The following SPAG16 variants were observed in gnomAD, a reference collection of about 807,000 sequenced individuals.
SPAG16 encodes the protein sperm associated antigen 16, also known as sperm-associated antigen 16 protein.
A neutral mutation model predicts 80.4 loss-of-function variants in SPAG16; 86 were observed. The ratio of observed to expected loss-of-function variants is 1.07; its 90% CI spans 0.90 to 1.28. The LOEUF is 1.28. Ranked by LOEUF, SPAG16 falls within the 50% of genes most tolerant of loss-of-function variation. SPAG16 has a pLI of 0.00. For synonymous variants in SPAG16, 294 were observed against 265.9 expected (o/e 1.11, Z -1.03); for missense variants, 870 against 765.3 (o/e 1.14, Z -1.61).
At chr2:214,000,900 C>G (rs1051913560) in intron 12 of SPAG16, among the ~76,000 whole-genome samples, 4 of 152,116 alleles carry the variant, frequency 2.6e-5, no homozygotes, top group Admixed American at 2.6e-4. Context: ...TTCAGCCAGG[C>G]TTTTTCTCCT....
intron 15 of SPAG16, among the ~76,000 whole-genome samples, chr2:214,268,630 A>T (rs1691765303): frequency 6.6e-6 from 1 of 151,972 alleles, no homozygotes; most frequent in South Asian, 2.1e-4. Flanking sequence ...AAGAACCAAC[A>T]TGACTGAAAA....
chr2:213,636,503 A>G (rs1403418372), intron 10 of SPAG16, among the ~76,000 whole-genome samples: 1 of 152,076 alleles, frequency 6.6e-6, no homozygotes, highest in Non-Finnish European at 1.5e-5. Flanking sequence ...TGATGTTGGT[A>G]TTTTGATGGG....
At chr2:213,712,048 A>G (rs1398590097) in intron 10 of SPAG16, among the ~76,000 whole-genome samples, 2 of 152,132 alleles carry the variant, frequency 1.3e-5, no homozygotes, top group African/African-American at 4.8e-5. Context: ...TCAGGAGGGC[A>G]CATTTATTTA....
chr2:213,311,698 A>G (rs1413067188), intron 4 of SPAG16, among the ~76,000 whole-genome samples: 2 of 151,634 alleles, frequency 1.3e-5, no homozygotes, highest in African/African-American at 4.8e-5. Flanking sequence ...ATTACATTGT[A>G]TTGAATACCT....
At chr2:213,471,617 A>C (rs2073083764) in intron 9 of SPAG16, among the ~76,000 whole-genome samples, 1 of 152,150 alleles carries the variant, frequency 6.6e-6, no homozygotes. Flanking sequence ...TCTGATCAGC[A>C]TCCCTATCTG....
At chr2:213,576,255 G>A (rs561478433) in intron 10 of SPAG16, among the ~76,000 whole-genome samples, 4 of 152,170 alleles carry the variant, frequency 2.6e-5, no homozygotes, top group South Asian at 4.1e-4. Flanking sequence ...TTATTTCTGG[G>A]TTCTCTATTC....
At chr2:213,616,041 C>T (rs2061584890) in intron 10 of SPAG16, among the ~76,000 whole-genome samples, 1 of 152,002 alleles carries the variant, frequency 6.6e-6, no homozygotes, top group Admixed American at 6.6e-5. Flanking sequence ...CACATGTATC[C>T]CAGAACTTAA....
In SPAG16 at chr2:213,624,804, T is replaced by C. The variant is rs113846152; in HGVS notation, c.1070+134714T>C. ...AGGCCTTTGTCTCAGGTTTTTGTTT[T>C]TTTTGAGATGGAGTCTTGATCTGTT... is the stretch of plus-strand genomic sequence containing the variant. On this transcript the variant is annotated intron_variant, in intron 10 of 15. Coordinates refer to ENST00000331683, the MANE Select transcript of SPAG16 (RefSeq NM_024532.5). 5.9e-3 allele frequency among the ~76,000 whole-genome samples: 891 copies of C among 152,306 alleles called. 4 individuals carry two copies. The highest frequency in any genetic ancestry group is 0.01 in the Non-Finnish European group (689 of 68,022).
At chr2:213,980,142 G>C (rs2045622189) in intron 12 of SPAG16, among the ~76,000 whole-genome samples, 1 of 150,342 alleles carries the variant, frequency 6.7e-6, no homozygotes, top group African/African-American at 2.4e-5. Flanking sequence ...ACGAGGTCAA[G>C]AGATTGAGTC....
At chr2:213,323,739 C>A (rs567500957) in intron 5 of SPAG16, among the ~76,000 whole-genome samples, 1 of 152,198 alleles carries the variant, frequency 6.6e-6, no homozygotes, top group South Asian at 2.1e-4. Context: ...TGTTCATTGA[C>A]AGATGAATGG....
chr2:214,352,097 A>T (rs749346808), intron 15 of SPAG16, among the ~76,000 whole-genome samples: 1 of 152,152 alleles, frequency 6.6e-6, no homozygotes, highest in Non-Finnish European at 1.5e-5. Flanking sequence ...CTGTGTTCTA[A>T]GGTTCCTATT....
At chr2:213,513,953 A>G (rs1459498897) in intron 10 of SPAG16, among the ~76,000 whole-genome samples, 2 of 152,258 alleles carry the variant, frequency 1.3e-5, no homozygotes, top group East Asian at 3.9e-4. Flanking sequence ...TTGGTCAGAA[A>G]GTATGGAGGA....
chr2:213,377,082 A>C (rs1283299062), intron 9 of SPAG16, among the ~76,000 whole-genome samples: 1 of 152,204 alleles, frequency 6.6e-6, no homozygotes, highest in Non-Finnish European at 1.5e-5. Flanking sequence ...ATCTAAGTTC[A>C]TACATCTGAA....
intron 9 of SPAG16, among the ~76,000 whole-genome samples, chr2:213,425,065 T>A (rs1277612484): frequency 2.0e-5 from 3 of 152,186 alleles, no homozygotes; most frequent in Non-Finnish European, 2.9e-5. Context: ...GGCTCATGCC[T>A]GTAATCCCAG....
chr2:213,833,486 T>TG (rs1553640506), intron 10 of SPAG16, among the ~76,000 whole-genome samples: 1 of 3,610 alleles, frequency 2.8e-4, no homozygotes, highest in East Asian at 9.1e-3. Context: ...AATATATATA[T>TG]TATATATAAT....
At chr2:213,531,393 T>A (rs1384555525) in intron 10 of SPAG16, among the ~76,000 whole-genome samples, 1 of 151,714 alleles carries the variant, frequency 6.6e-6, no homozygotes, top group African/African-American at 2.4e-5. Flanking sequence ...TGTGTGTGTG[T>A]GTGTTTATGA....
chr2:213,864,147 A>G (rs899010834), intron 11 of SPAG16, among the ~76,000 whole-genome samples: 3 of 152,170 alleles, frequency 2.0e-5, no homozygotes, highest in African/African-American at 7.2e-5. Flanking sequence ...GAAAGAGTTT[A>G]TATCTCAGAC....
At chr2:213,720,445 G>A (rs546949701) in intron 10 of SPAG16, among the ~76,000 whole-genome samples, 18 of 146,462 alleles carry the variant, frequency 1.2e-4, no homozygotes, top group African/African-American at 4.5e-4. Context: ...GCCTAACATG[G>A]TGAAACCCCA....
intron 8 of SPAG16, among the ~76,000 whole-genome samples, chr2:213,371,884 G>T (rs2066659202): frequency 6.6e-6 from 1 of 152,032 alleles, no homozygotes; most frequent in Non-Finnish European, 1.5e-5. Context: ...GCCATACAAA[G>T]ATAATATTAA....
Sources: allele counts gnomAD v4.1 joint callset (sites outside exome capture counted in the v4.1 genomes callset), GRCh38; gene constraint gnomAD v4.1.1; transcripts MANE v1.5; gene names NCBI Gene and HGNC (gene_info 2026-07-23, HGNC 2026-07-21).